PCDH15: variants seen among roughly 807,000 people sequenced by gnomAD.
PCDH15 encodes protocadherin-15.
PCDH15 carries 129 observed loss-of-function variants against 178.5 expected under a neutral mutation model. The ratio of observed to expected loss-of-function variants is 0.72; its 90% confidence interval spans 0.63 to 0.84. The LOEUF is 0.84. PCDH15 is among the 40% of genes least tolerant of loss of function. The probability of loss-of-function intolerance (pLI) is 0.00; values close to 1 mark genes in which losing one functional copy is unlikely to be tolerated. For synonymous variants in PCDH15, 800 were observed against 732.0 expected (o/e 1.09, Z -1.50); for missense variants, 2,230 against 2,099.9 (o/e 1.06, Z -1.21).
chr10:53,893,636 G>T (rs2384328), intron 26 of PCDH15, among the ~76,000 whole-genome samples: 100,069 of 152,042 alleles, frequency 0.66, 33,791 homozygotes, highest in East Asian at 0.87. Flanking sequence ...TGAAATAATG[G>T]CATTTACAGC....
At chr10:54,229,485 A>T (rs2053826837) in intron 9 of PCDH15, among the ~76,000 whole-genome samples, 1 of 152,148 alleles carries the variant, frequency 6.6e-6, no homozygotes, top group South Asian at 2.1e-4. Context: ...CTGTGTCCCC[A>T]CCCAAATCTC....
chr10:55,160,517 T>C (rs1323240973), intron 2 of PCDH15, among the ~76,000 whole-genome samples: 2 of 151,990 alleles, frequency 1.3e-5, no homozygotes, highest in African/African-American at 4.8e-5. Context: ...CAGACAATAT[T>C]AACAGCATCA....
At chr10:54,037,298 C>T (rs541141357) in intron 18 of PCDH15, among the ~76,000 whole-genome samples, 1 of 151,980 alleles carries the variant, frequency 6.6e-6, no homozygotes, top group East Asian at 1.9e-4. Flanking sequence ...GCATCACTAG[C>T]TACAGAAAAA....
At chr10:55,518,136 T>G (rs542278654) in intron 2 of PCDH15, among the ~76,000 whole-genome samples, 23 of 152,136 alleles carry the variant, frequency 1.5e-4, no homozygotes, top group African/African-American at 4.6e-4. Context: ...ATAGAATAAC[T>G]CTCTTCTCCC....
chr10:54,221,889 C>T (rs2052864184), intron 9 of PCDH15, among the ~76,000 whole-genome samples: 1 of 152,198 alleles, frequency 6.6e-6, no homozygotes, highest in South Asian at 2.1e-4. Context: ...AGGCATGAGC[C>T]ACCCTGCCTG....
chr10:55,036,528 T>C (rs1840737699), intron 2 of PCDH15, among the ~76,000 whole-genome samples: 1 of 152,140 alleles, frequency 6.6e-6, no homozygotes, highest in Non-Finnish European at 1.5e-5. Flanking sequence ...TCTGAGTTTA[T>C]GGTCCCGCTC....
At chr10:54,171,809 C>T (rs956882514) in intron 13 of PCDH15, among the ~76,000 whole-genome samples, 6 of 151,952 alleles carry the variant, frequency 3.9e-5, no homozygotes, top group African/African-American at 1.5e-4. Context: ...CGTATCCAGG[C>T]CATCACCAAT....
chr10:54,016,060 C>A (rs1221583457), intron 20 of PCDH15, among the ~76,000 whole-genome samples: 1 of 151,886 alleles, frequency 6.6e-6, no homozygotes, highest in Non-Finnish European at 1.5e-5. Flanking sequence ...AAGGAACTTA[C>A]AAATCAACAA....
At chr10:54,299,011 G>T (rs1471298495) in intron 8 of PCDH15, among the ~76,000 whole-genome samples, 1 of 152,224 alleles carries the variant, frequency 6.6e-6, no homozygotes, top group Non-Finnish European at 1.5e-5. Context: ...AGGAAATCAT[G>T]CAGTTATTGC....
intron 3 of PCDH15, among the ~76,000 whole-genome samples, chr10:54,837,176 G>C (rs534218695): frequency 6.6e-6 from 1 of 152,162 alleles, no homozygotes; most frequent in South Asian, 2.1e-4. Context: ...GTTTTTCAAA[G>C]TTAGAATCAA....
intron 5 of PCDH15, among the ~76,000 whole-genome samples, chr10:54,348,815 C>CCAA (rs1464202911): frequency 6.6e-6 from 1 of 152,106 alleles, no homozygotes; most frequent in East Asian, 1.9e-4. Flanking sequence ...TATCCTTTGA[C>CCAA]CAACATCTCT....
chr10:54,543,772 G>A (rs563055826), intron 2 of PCDH15, among the ~76,000 whole-genome samples: 1 of 152,122 alleles, frequency 6.6e-6, no homozygotes, highest in Admixed American at 6.5e-5. Flanking sequence ...ATTCTAACCC[G>A]AGACAGTTTT....
chr10:55,395,196 TG>T (rs1837895206), intron 2 of PCDH15, among the ~76,000 whole-genome samples: 1 of 126,640 alleles, frequency 7.9e-6, no homozygotes, highest in Admixed American at 8.2e-5. Flanking sequence ...TGTGTGTGTG[TG>T]AGAGAGAGAG....
intron 1 of PCDH15, among the ~76,000 whole-genome samples, chr10:55,303,716 C>G (rs184495384): frequency 6.6e-6 from 1 of 151,710 alleles, no homozygotes; most frequent in Non-Finnish European, 1.5e-5. Flanking sequence ...GTAATATTAT[C>G]TTATTATCCT....
chr10:54,127,596 C>T (rs1009871594), intron 15 of PCDH15, among the ~76,000 whole-genome samples: 1 of 152,100 alleles, frequency 6.6e-6, no homozygotes, highest in African/African-American at 2.4e-5. Flanking sequence ...GAGGAAGGGC[C>T]AGCTGAGTAT....
At chr10:54,856,960 G>T (rs1266045832) in intron 3 of PCDH15, among the ~76,000 whole-genome samples, 3 of 151,594 alleles carry the variant, frequency 2.0e-5, no homozygotes, top group Non-Finnish European at 4.4e-5. Context: ...TTTTGTTTTT[G>T]TTTTTTTTAC....
chr10:54,489,333 G>A (rs906379390), intron 3 of PCDH15, among the ~76,000 whole-genome samples: 4 of 149,882 alleles, frequency 2.7e-5, no homozygotes, highest in Middle Eastern at 3.4e-3. Context: ...ATACAATTTA[G>A]TGTGCCTTTT....
At chr10:55,357,692 A>C (rs1325901377) in intron 2 of PCDH15, among the ~76,000 whole-genome samples, 1 of 152,002 alleles carries the variant, frequency 6.6e-6, no homozygotes, top group Non-Finnish European at 1.5e-5. Flanking sequence ...ATCTATAATA[A>C]GACTTATCTC....
intron 2 of PCDH15, among the ~76,000 whole-genome samples, chr10:54,901,799 G>C (rs1013111880): frequency 6.6e-6 from 1 of 152,044 alleles, no homozygotes; most frequent in Non-Finnish European, 1.5e-5. Flanking sequence ...GCAAATAAAA[G>C]TGAAATATTT....
Sources: allele counts gnomAD v4.1 joint callset (sites outside exome capture counted in the v4.1 genomes callset), GRCh38; gene constraint gnomAD v4.1.1; transcripts MANE v1.5; gene names NCBI Gene and HGNC (gene_info 2026-07-23, HGNC 2026-07-21).